XRCC4: variants seen among roughly 807,000 people sequenced by gnomAD.
XRCC4 encodes DNA repair protein XRCC4.
Under a neutral mutation model 39.1 loss-of-function variants are expected in XRCC4, and 28 were observed. The ratio of observed to expected loss-of-function variants is 0.72; its 90% CI spans 0.53 to 0.98. The LOEUF (loss-of-function observed/expected upper bound fraction) is 0.98, where lower values mean the gene tolerates loss of function less well. Ranked by LOEUF, XRCC4 falls within the 50% of genes least tolerant of loss-of-function variation. XRCC4 has a pLI of 0.00. For missense variants in XRCC4, 350 were observed against 376.4 expected (o/e 0.93, Z 0.58); for synonymous variants, 123 against 126.4 (o/e 0.97, Z 0.18).
intron 3 of XRCC4, among the ~76,000 whole-genome samples, chr5:83,149,724 C>G (rs997789597): frequency 1.3e-5 from 2 of 152,058 alleles, no homozygotes; most frequent in African/African-American, 4.8e-5. Flanking sequence ...TGTAAATATT[C>G]TATATGATAG....
rs772755496 is a variant in XRCC4 at position 83,111,106 on chromosome 5, CA to C, written c.219del (p.Leu74CysfsTer28). ...KGKYVGELRK[A>X]LLSGAGPADV... The stretch of plus-strand genomic sequence containing the variant: ...AAATATGTTGGTGAACTGAGAAAAG[CA>C]TTGTTGTCAGGAGCAGGACCAGCTG... On this transcript the variant is annotated frameshift_variant, in exon 3 of 8. Transcript: ENST00000396027. LOFTEE classifies it high-confidence loss of function. 1.2e-6 allele frequency: 2 copies of C among 1,611,746 alleles called. No homozygotes were observed. Among genetic ancestry groups the C allele is most frequent in the Non-Finnish European group, 1.7e-6 (2 of 1,178,896 alleles).
chr5:83,136,529 A>AT (rs1747906960), intron 3 of XRCC4, among the ~76,000 whole-genome samples: 1 of 152,194 alleles, frequency 6.6e-6, no homozygotes, highest in Non-Finnish European at 1.5e-5. Context: ...CCCAACTTTA[A>AT]TAAAAACTTG....
chr5:83,111,113 G>A lies in XRCC4; in HGVS notation c.225G>A (p.Leu75=). The A allele has an allele frequency of 6.2e-7, 1 of 1,611,800 alleles. No individual in the cohort carries two copies. The highest frequency in any genetic ancestry group is 1.1e-5 in the South Asian group (1 of 90,834). The stretch of plus-strand genomic sequence containing the variant: ...TTGGTGAACTGAGAAAAGCATTGTT[G>A]TCAGGAGCAGGACCAGCTGATGTAT... ...KYVGELRKAL[L]SGAGPADVYT... The change falls in exon 3 of 8, where the codon TTG becomes TTA. Residue 75 remains leucine, a synonymous_variant. Coordinates refer to ENST00000396027, the MANE Select transcript of XRCC4 (RefSeq NM_003401.5).
At chr5:83,123,876 A>G (rs1026080251) in intron 3 of XRCC4, among the ~76,000 whole-genome samples, 1 of 123,152 alleles carries the variant, frequency 8.1e-6, no homozygotes, top group African/African-American at 3.5e-5. Context: ...CTTCACAGTT[A>G]TTGTTACATT....
intron 1 of XRCC4, among the ~76,000 whole-genome samples, chr5:83,090,697 G>C (rs1032972212): frequency 6.6e-6 from 1 of 152,078 alleles, no homozygotes; most frequent in African/African-American, 2.4e-5. Context: ...AGGCCCCACT[G>C]TAAGTCACTT....
At chr5:83,342,211 G>C (rs1226035313) in intron 7 of XRCC4, among the ~76,000 whole-genome samples, 1 of 152,162 alleles carries the variant, frequency 6.6e-6, no homozygotes, top group Admixed American at 6.6e-5. Flanking sequence ...AGTACAGCTA[G>C]AGTAACAAAA....
chr5:83,179,361 C>A (rs1750104461), intron 3 of XRCC4, among the ~76,000 whole-genome samples: 1 of 151,968 alleles, frequency 6.6e-6, no homozygotes. Context: ...AAATATGAGG[C>A]AAAGACATGA....
chr5:83,352,092 T>C (rs1245635915), intron 7 of XRCC4, among the ~76,000 whole-genome samples: 1 of 152,204 alleles, frequency 6.6e-6, no homozygotes, highest in Admixed American at 6.5e-5. Context: ...GTGGACAGAA[T>C]AGAAGCCCAC....
intron 3 of XRCC4, among the ~76,000 whole-genome samples, chr5:83,136,415 A>G (rs1747901440): frequency 6.6e-6 from 1 of 152,170 alleles, no homozygotes; most frequent in African/African-American, 2.4e-5. Flanking sequence ...TAAGACATTC[A>G]GTGTCAGGAA....
Position 83,337,355 on chromosome 5 carries a change from A to AT in XRCC4, c.894-15770dup, listed in dbSNP as rs1038500395. On this transcript the variant is annotated intron_variant, in intron 7 of 7. Transcript: ENST00000396027. Reference sequence around the variant, plus strand: ...GAGAGGTAGTTTCAATATGTGTGGGATTTTTTGACTCATTTATAAATAGTA... The same window carrying AT: ...GAGAGGTAGTTTCAATATGTGTGGGATTTTTTTGACTCATTTATAAATAGTA... Among the ~76,000 whole-genome samples the AT allele has an allele frequency of 3.9e-5, 6 of 152,214 alleles. No homozygotes were observed. The East Asian group carries it at 1.2e-3, about 29-fold the overall frequency.
chr5:83,361,622 T>C, the XRCC4 span, among the ~76,000 whole-genome samples: 3 of 151,486 alleles, frequency 2.0e-5, no homozygotes, highest in Admixed American at 1.3e-4. Context: ...TTTTTATTTT[T>C]CTTTTTTTTT....
At chr5:83,087,546 C>G (rs1478802143) in intron 1 of XRCC4, among the ~76,000 whole-genome samples, 1 of 151,454 alleles carries the variant, frequency 6.6e-6, no homozygotes, top group Admixed American at 6.6e-5. Flanking sequence ...GCCTGTAATC[C>G]CAGCTACTCA....
chr5:83,212,129 T>TATGTATGTGTGTATATATACACAC (rs1751672846), intron 6 of XRCC4, among the ~76,000 whole-genome samples: 1 of 152,056 alleles, frequency 6.6e-6, no homozygotes, highest in East Asian at 1.9e-4. Flanking sequence ...TATATACACA[T>TATGTATGTGTGTATATATACACAC]ATGTATGTGT....
rs138610530 is a variant in XRCC4, at chr5:83,151,484, G to A, written c.315+40281G>A. ...AAAATCCCATTCATAAAGATTTTTTGTCAGTATATTATTTTTTATCAGGCC... is the reference window on the plus strand; with the variant it reads ...AAAATCCCATTCATAAAGATTTTTTATCAGTATATTATTTTTTATCAGGCC... On this transcript the variant is annotated intron_variant, in intron 3 of 7. Coordinates refer to ENST00000396027, the MANE Select transcript of XRCC4 (RefSeq NM_003401.5). Among the ~76,000 whole-genome samples, 480 of 152,168 alleles carry A rather than the reference G, an allele frequency of 3.2e-3. 2 individuals carry two copies. Among genetic ancestry groups the A allele is most frequent in the African/African-American group, 0.011 (457 of 41,550 alleles).
At chr5:83,172,364 C>T (rs368338005) in intron 3 of XRCC4, among the ~76,000 whole-genome samples, 2 of 152,142 alleles carry the variant, frequency 1.3e-5, no homozygotes, top group African/African-American at 2.4e-5. Context: ...CCATTTTAAA[C>T]TGTGAATCTT....
chr5:83,330,521 A>T (rs752151087), intron 7 of XRCC4, among the ~76,000 whole-genome samples: 1 of 152,014 alleles, frequency 6.6e-6, no homozygotes, highest in Non-Finnish European at 1.5e-5. Flanking sequence ...AGGTATATGT[A>T]TACATGTAAT....
intron 6 of XRCC4, among the ~76,000 whole-genome samples, chr5:83,209,908 A>G (rs1751575344): frequency 6.6e-6 from 1 of 152,128 alleles, no homozygotes; most frequent in Admixed American, 6.6e-5. Flanking sequence ...TACTAGCCCA[A>G]GATTTAGCAC....
intron 3 of XRCC4, among the ~76,000 whole-genome samples, chr5:83,186,822 A>T (rs73132599): frequency 3.3e-4 from 50 of 152,326 alleles, no homozygotes; most frequent in African/African-American, 1.2e-3. Context: ...GGTCTCACCT[A>T]GCAAACATCA....
intron 2 of XRCC4, among the ~76,000 whole-genome samples, chr5:83,107,307 A>G (rs1362596757): frequency 6.6e-6 from 1 of 152,010 alleles, no homozygotes; most frequent in East Asian, 1.9e-4. Flanking sequence ...CATGTAGACA[A>G]TAACATCACT....
Sources: allele counts gnomAD v4.1 joint callset (sites outside exome capture counted in the v4.1 genomes callset), GRCh38; gene constraint gnomAD v4.1.1; transcripts MANE v1.5; gene names NCBI Gene and HGNC (gene_info 2026-07-23, HGNC 2026-07-21).